TENM3: variants seen among roughly 807,000 people sequenced by gnomAD.
The protein encoded by TENM3 is teneurin transmembrane protein 3, also known as teneurin-3.
Under a neutral mutation model 255.1 loss-of-function variants are expected in TENM3, and 63 were observed. The ratio of observed to expected loss-of-function variants is 0.25; its 90% CI spans 0.20 to 0.30. The LOEUF is 0.30. Among genes scored for constraint, TENM3 ranks in the 10% least tolerant of loss-of-function variants. The pLI, the probability that TENM3 is intolerant of heterozygous loss-of-function variation, is 1.00. For synonymous variants in TENM3, 1,306 were observed against 1,322.3 expected (o/e 0.99, Z 0.27); for missense variants, 2,929 against 3,461.1 (o/e 0.85, Z 3.86).
the TENM3 span, among the ~76,000 whole-genome samples, chr4:181,964,820 T>A: frequency 1.3e-5 from 2 of 151,900 alleles, no homozygotes; most frequent in African/African-American, 4.8e-5. Context: ...AAACTTAAAA[T>A]GGAAAGGGAA....
intron 3 of TENM3, among the ~76,000 whole-genome samples, chr4:182,475,206 G>A (rs184609999): frequency 5.3e-5 from 8 of 152,218 alleles, no homozygotes; most frequent in East Asian, 1.9e-4. Flanking sequence ...TCTTTAAGTC[G>A]TTTCATTTCA....
intron 1 of TENM3, among the ~76,000 whole-genome samples, chr4:182,227,894 C>T (rs183897892): frequency 1.3e-5 from 2 of 152,056 alleles, no homozygotes; most frequent in Admixed American, 6.5e-5. Context: ...ATGGGTGGAG[C>T]GGCAGAGAGG....
chr4:182,324,384 T>C, intron 2 of TENM3, 132 bp downstream of exon 2: 1 of 710,410 alleles, frequency 1.4e-6, no homozygotes, highest in Non-Finnish European at 2.4e-6. Flanking sequence ...TTTTGAGATA[T>C]TAGATCATCA....
At chr4:181,872,506 T>G in the TENM3 span, among the ~76,000 whole-genome samples, 1 of 152,134 alleles carries the variant, frequency 6.6e-6, no homozygotes, top group African/African-American at 2.4e-5. Context: ...CCAGTGTGTG[T>G]TGTTCCCCTC....
chr4:182,696,807 A>G (rs779005287), intron 12 of TENM3, among the ~76,000 whole-genome samples: 1 of 151,802 alleles, frequency 6.6e-6, no homozygotes, highest in Admixed American at 6.6e-5. Context: ...GGTTTTTCTC[A>G]TTCTAAATAC....
At chr4:182,340,054 C>T (rs375347881) in intron 2 of TENM3, among the ~76,000 whole-genome samples, 1 of 152,142 alleles carries the variant, frequency 6.6e-6, no homozygotes, top group South Asian at 2.1e-4. Context: ...CCTAATTTTT[C>T]TTATTTGGGC....
chr4:182,781,926 C>G (rs1253044961), intron 24 of TENM3, among the ~76,000 whole-genome samples: 3 of 150,196 alleles, frequency 2.0e-5, no homozygotes, highest in African/African-American at 4.9e-5. Context: ...TTTATTGCAT[C>G]TATTAGATTC....
At position 182,316,341 on chromosome 4, in the gene TENM3, C is replaced by T. The variant is rs572984068; in HGVS notation, c.-75-7605C>T. 2.3e-3 allele frequency among the ~76,000 whole-genome samples: 349 copies of T among 152,124 alleles called. 4 individuals carry two copies. Among genetic ancestry groups the T allele is most frequent in the African/African-American group, 7.9e-3 (330 of 41,528 alleles). Reference sequence around the variant, plus strand: ...TGAAGCAAGAACTTTCTGAGTACATCGCCCAGTGAAGTATGAATTTTTTTT... The same window carrying T: ...TGAAGCAAGAACTTTCTGAGTACATTGCCCAGTGAAGTATGAATTTTTTTT... On this transcript the variant is annotated intron_variant, in intron 1 of 27. Coordinates refer to ENST00000511685, the MANE Select transcript of TENM3 (RefSeq NM_001080477.4).
the TENM3 span, among the ~76,000 whole-genome samples, chr4:182,106,655 G>A: frequency 3.9e-5 from 6 of 152,184 alleles, no homozygotes; most frequent in Middle Eastern, 3.4e-3. Flanking sequence ...GCCTAAAGTC[G>A]GTTTTTTAGA....
the TENM3 span, among the ~76,000 whole-genome samples, chr4:181,462,553 C>A: frequency 1.2e-4 from 18 of 152,302 alleles, no homozygotes; most frequent in African/African-American, 4.3e-4. Context: ...TGAAAACTGT[C>A]TTTTCAAATA....
At chr4:181,749,562 CT>C in the TENM3 span, among the ~76,000 whole-genome samples, 1 of 152,166 alleles carries the variant, frequency 6.6e-6, no homozygotes. Flanking sequence ...GAGAAAGTCT[CT>C]CTCTGCTTTT....
the TENM3 span, among the ~76,000 whole-genome samples, chr4:182,014,023 TACGTATATAC>T: frequency 6.3e-5 from 3 of 47,806 alleles, no homozygotes; most frequent in Admixed American, 2.2e-4. Context: ...TACGTGTATA[TACGTATATAC>T]ACATATATAC....
chr4:181,998,150 T>C, the TENM3 span, among the ~76,000 whole-genome samples: 3 of 152,216 alleles, frequency 2.0e-5, no homozygotes, highest in Non-Finnish European at 4.4e-5. Context: ...ATGAGGGTCA[T>C]GGTCATTTCC....
intron 1 of TENM3, among the ~76,000 whole-genome samples, chr4:182,156,389 A>G (rs1750703198): frequency 6.6e-6 from 1 of 151,972 alleles, no homozygotes; most frequent in Non-Finnish European, 1.5e-5. Flanking sequence ...TCAGGGGTGC[A>G]CAGGCAGATT....
intron 22 of TENM3, among the ~76,000 whole-genome samples, chr4:182,759,012 A>G (rs1762935957): frequency 6.6e-6 from 1 of 152,224 alleles, no homozygotes; most frequent in African/African-American, 2.4e-5. Flanking sequence ...AACAGATGGA[A>G]GAAGATCTGG....
chr4:181,521,905 G>T, the TENM3 span, among the ~76,000 whole-genome samples: 1 of 151,878 alleles, frequency 6.6e-6, no homozygotes, highest in South Asian at 2.1e-4. Flanking sequence ...GACCATCCTG[G>T]CTAACGCGGT....
At chr4:181,476,704 A>C in the TENM3 span, among the ~76,000 whole-genome samples, 2 of 152,222 alleles carry the variant, frequency 1.3e-5, no homozygotes, top group Non-Finnish European at 2.9e-5. Context: ...ACACTTTCTT[A>C]AAGAATGTGC....
the TENM3 span, among the ~76,000 whole-genome samples, chr4:181,607,606 T>C: frequency 6.6e-4 from 101 of 152,144 alleles, no homozygotes; most frequent in African/African-American, 2.3e-3. Flanking sequence ...GGTTTCACCA[T>C]GTTGGCCAGG....
the TENM3 span, among the ~76,000 whole-genome samples, chr4:181,820,872 CT>C: frequency 2.6e-5 from 4 of 152,208 alleles, no homozygotes; most frequent in African/African-American, 9.6e-5. Context: ...TTAAAAAATT[CT>C]TCCTTCTGTA....
Sources: allele counts gnomAD v4.1 joint callset (sites outside exome capture counted in the v4.1 genomes callset), GRCh38; gene constraint gnomAD v4.1.1; transcripts MANE v1.5; gene names NCBI Gene and HGNC (gene_info 2026-07-23, HGNC 2026-07-21).